The following CTNND2 variants were observed in gnomAD, a reference collection of about 807,000 sequenced individuals.
CTNND2 encodes the protein catenin delta-2.
CTNND2 carries 22 observed loss-of-function variants against 144.4 expected under a neutral mutation model. The ratio of observed to expected loss-of-function variants is 0.15; its 90% CI spans 0.11 to 0.22. The LOEUF (loss-of-function observed/expected upper bound fraction) is 0.22. Among genes scored for constraint, CTNND2 ranks in the 10% least tolerant of loss-of-function variants. CTNND2 has a pLI of 1.00. For missense variants in CTNND2, 1,353 were observed against 1,618.8 expected (o/e 0.84, Z 2.82); for synonymous variants, 751 against 695.6 (o/e 1.08, Z -1.25).
intron 11 of CTNND2, among the ~76,000 whole-genome samples, chr5:11,182,830 GT>G (rs1299115216): frequency 6.6e-5 from 10 of 152,276 alleles, no homozygotes; most frequent in Non-Finnish European, 1.3e-4. Flanking sequence ...AACTCAGATT[GT>G]GTTTCATTAC....
intron 12 of CTNND2, among the ~76,000 whole-genome samples, chr5:11,128,039 A>AT (rs1235486435): frequency 1.3e-5 from 2 of 152,022 alleles, no homozygotes; most frequent in Non-Finnish European, 2.9e-5. Context: ...GAAAAAAAAA[A>AT]GACGTTGCAG....
intron 16 of CTNND2, among the ~76,000 whole-genome samples, chr5:11,031,867 G>T (rs1050809202): frequency 1.3e-5 from 2 of 152,200 alleles, no homozygotes; most frequent in Non-Finnish European, 2.9e-5. Flanking sequence ...GTTTGACAGG[G>T]GCTTTTGGGC....
At chr5:11,312,873 C>T (rs1751138159) in intron 9 of CTNND2, among the ~76,000 whole-genome samples, 1 of 152,164 alleles carries the variant, frequency 6.6e-6, no homozygotes, top group Admixed American at 6.5e-5. Flanking sequence ...TGGCATTTTA[C>T]CCTTCCAGAA....
chr5:11,530,493 G>A (rs1209939365), intron 3 of CTNND2, among the ~76,000 whole-genome samples: 1 of 152,144 alleles, frequency 6.6e-6, no homozygotes, highest in Non-Finnish European at 1.5e-5. Context: ...GGTAGAAGAG[G>A]CTCACTCCAA....
chr5:11,593,285 T>C (rs1779347541), intron 2 of CTNND2, among the ~76,000 whole-genome samples: 1 of 152,156 alleles, frequency 6.6e-6, no homozygotes, highest in African/African-American at 2.4e-5. Flanking sequence ...AGTACACTAA[T>C]GGGAGAAGAT....
At chr5:11,162,164 C>A (rs1490293308) in intron 11 of CTNND2, among the ~76,000 whole-genome samples, 1 of 151,998 alleles carries the variant, frequency 6.6e-6, no homozygotes, top group East Asian at 1.9e-4. Flanking sequence ...GGAAAGCAAG[C>A]AAGCAAACAA....
chr5:10,994,642 C>G (rs1426516354), intron 18 of CTNND2, among the ~76,000 whole-genome samples: 3 of 152,084 alleles, frequency 2.0e-5, no homozygotes, highest in African/African-American at 7.2e-5. Context: ...GGCTTCCCAG[C>G]CCACAGAAGA....
chr5:11,236,105 C>A (rs1741606184), intron 10 of CTNND2, among the ~76,000 whole-genome samples: 1 of 152,198 alleles, frequency 6.6e-6, no homozygotes. Context: ...ATCCCAAAAA[C>A]ACAGAGCATG....
At chr5:11,596,678 T>G (rs115381775) in intron 2 of CTNND2, among the ~76,000 whole-genome samples, 2,372 of 152,294 alleles carry the variant, frequency 0.016, 57 homozygotes, top group African/African-American at 0.055. Flanking sequence ...ACATTTAGGC[T>G]GGAACATTTT....
In CTNND2 at chr5:11,286,590, C is replaced by G. The variant is rs535199834; in HGVS notation, c.1629-49767G>C. On this transcript the variant is annotated intron_variant, in intron 9 of 21. Transcript: ENST00000304623. ...TGAGGAAAAAGCAAGTCACAGACCA[C>G]TAACAATGCTGAACACGTGCTAAAC... Among the ~76,000 whole-genome samples, 7 of 152,304 alleles carry G rather than the reference C, an allele frequency of 4.6e-5. No individual in the cohort carries two copies. The South Asian group carries it at 1.5e-3, about 32-fold the overall frequency.
chr5:11,673,609 G>A (rs949754854), intron 2 of CTNND2, among the ~76,000 whole-genome samples: 1 of 152,032 alleles, frequency 6.6e-6, no homozygotes, highest in African/African-American at 2.4e-5. Flanking sequence ...TCTGAAGGCT[G>A]GGTTTTATTG....
intron 3 of CTNND2, among the ~76,000 whole-genome samples, chr5:11,519,610 A>G (rs563093077): frequency 6.6e-6 from 1 of 151,820 alleles, no homozygotes; most frequent in Non-Finnish European, 1.5e-5. Flanking sequence ...GCAAAACAAG[A>G]TACTGTTTAA....
intron 2 of CTNND2, among the ~76,000 whole-genome samples, chr5:11,683,488 C>T (rs893594833): frequency 6.6e-6 from 1 of 152,062 alleles, no homozygotes; most frequent in African/African-American, 2.4e-5. Context: ...TTTCTTTTTC[C>T]GAAATACAAA....
intron 2 of CTNND2, among the ~76,000 whole-genome samples, chr5:11,623,227 T>C (rs1780939542): frequency 6.6e-6 from 1 of 152,128 alleles, no homozygotes; most frequent in African/African-American, 2.4e-5. Context: ...GGCTCGTTGA[T>C]ATGGTTTGAC....
chr5:11,215,042 C>T (rs1035509130), intron 10 of CTNND2, among the ~76,000 whole-genome samples: 20 of 152,198 alleles, frequency 1.3e-4, no homozygotes, highest in African/African-American at 4.8e-4. Context: ...GCTGTGTCCA[C>T]AGGGCTGAGA....
intron 9 of CTNND2, among the ~76,000 whole-genome samples, chr5:11,323,349 G>T (rs1289206243): frequency 6.6e-6 from 1 of 151,986 alleles, no homozygotes; most frequent in East Asian, 1.9e-4. Flanking sequence ...TGCATCCAGG[G>T]TATTTCTGAC....
chr5:11,610,425 C>T (rs1780259682), intron 2 of CTNND2, among the ~76,000 whole-genome samples: 1 of 152,140 alleles, frequency 6.6e-6, no homozygotes, highest in African/African-American at 2.4e-5. Context: ...TCACAAAAGG[C>T]AGCAATAATA....
intron 16 of CTNND2, among the ~76,000 whole-genome samples, chr5:11,082,190 T>C (rs1749644607): frequency 6.6e-6 from 1 of 152,210 alleles, no homozygotes; most frequent in Non-Finnish European, 1.5e-5. Context: ...CCATGAGTTT[T>C]GTTGAATAGA....
chr5:11,586,986 TATAAG>T (rs1377241439), intron 2 of CTNND2, among the ~76,000 whole-genome samples: 1 of 152,110 alleles, frequency 6.6e-6, no homozygotes, highest in Non-Finnish European at 1.5e-5. Flanking sequence ...TAGTCGGAAA[TATAAG>T]GGAATGGGCA....
Sources: allele counts gnomAD v4.1 joint callset (sites outside exome capture counted in the v4.1 genomes callset), GRCh38; gene constraint gnomAD v4.1.1; transcripts MANE v1.5; gene names NCBI Gene and HGNC (gene_info 2026-07-23, HGNC 2026-07-21).